Variants in ZFPM1 observed in about 807,000 individuals in gnomAD.
ZFPM1 encodes the protein zinc finger protein, FOG family member 1, also known as zinc finger protein ZFPM1.
In ZFPM1, 28 loss-of-function variants were observed where a neutral mutation model predicts 46.3. The observed-to-expected ratio is 0.60, with a 90% CI of 0.45 to 0.83. ZFPM1 has a LOEUF of 0.83. ZFPM1 is among the 40% of genes least tolerant of loss of function. The pLI is 0.00. For missense variants in ZFPM1, 1,878 were observed against 1,432.4 expected, an observed-to-expected ratio of 1.31 and a Z score of -5.02; for synonymous variants, 957 against 675.9, an observed-to-expected ratio of 1.42 and a Z score of -6.45.
intron 1 of ZFPM1, among the ~76,000 whole-genome samples, chr16:88,457,043 C>A (rs1359478428): frequency 6.6e-6 from 1 of 152,230 alleles, no homozygotes; most frequent in East Asian, 1.9e-4. Flanking sequence ...TTATTGGTAA[C>A]CACAGGATGA....
Position 88,536,943 on chromosome 16 carries a change from G to A in ZFPM1, c.*1964G>A, listed in dbSNP as rs990301911. 1 of 152,218 alleles carries A rather than the reference G, an allele frequency of 6.6e-6. No individual in the cohort carries two copies. Among genetic ancestry groups the A allele is most frequent in the African/African-American group, 2.4e-5 (1 of 41,446 alleles). 9.4% of individuals were successfully genotyped at this position (152,218 alleles called of 1,614,324 possible). On this transcript the variant is annotated 3_prime_UTR_variant, in exon 10 of 10. Transcript: ENST00000319555. Reference sequence around the variant, plus strand: ...CCCCAGGTGCGGGCGCAGGGTACAAGATGTTCTAAAAAATAGAAACCTGGT... The same window carrying A: ...CCCCAGGTGCGGGCGCAGGGTACAAAATGTTCTAAAAAATAGAAACCTGGT...
At position 88,514,474 on chromosome 16, in the gene ZFPM1, A is replaced by G. The variant is rs1218941914; in HGVS notation, c.356A>G (p.His119Arg). 1 of 1,564,138 alleles carries G rather than the reference A, an allele frequency of 6.4e-7. No homozygotes were observed. The highest frequency in any genetic ancestry group is 8.7e-7 in the Non-Finnish European group (1 of 1,154,782). ...LATGLSWGPF[H>R]GSVQTRASSP... ...ACGGGCCTGTCCTGGGGCCCGTTCC[A>G]TGGGAGTGTCCAGACCAGAGCCTCA... Residue 119 changes from histidine to arginine, a missense_variant, in exon 4 of 10, where the codon CAT becomes CGT. By Grantham distance (29) the His-to-Arg change is conservative (BLOSUM62 0). Transcript: ENST00000319555.
intron 1 of ZFPM1, among the ~76,000 whole-genome samples, chr16:88,474,086 C>T (rs1245584637): frequency 6.6e-6 from 1 of 152,232 alleles, no homozygotes; most frequent in Non-Finnish European, 1.5e-5. Context: ...AAGCGCAGGC[C>T]GCACCGATAG....
At chr16:88,506,454 A>T (rs1389197056) in intron 3 of ZFPM1, among the ~76,000 whole-genome samples, 1 of 146,110 alleles carries the variant, frequency 6.8e-6, no homozygotes, top group East Asian at 2.2e-4. Flanking sequence ...GCTTAACTGC[A>T]ATGCTGGGCA....
At chr16:88,500,850 G>A (rs1192068154) in intron 3 of ZFPM1, among the ~76,000 whole-genome samples, 3 of 152,262 alleles carry the variant, frequency 2.0e-5, no homozygotes, top group Non-Finnish European at 4.4e-5. Flanking sequence ...GCCACCCTGG[G>A]CTGAGCCAGG....
intron 7 of ZFPM1, 59 bp from the exon 8 acceptor site, chr16:88,532,555 C>T: frequency 1.3e-6 from 2 of 1,516,336 alleles, no homozygotes; most frequent in Non-Finnish European, 1.8e-6. Flanking sequence ...CCTTCCTCAT[C>T]CCTGGAGTCC....
chr16:88,511,748 C>T (rs75879052), intron 3 of ZFPM1, among the ~76,000 whole-genome samples: 12,415 of 152,256 alleles, frequency 0.082, 731 homozygotes, highest in Non-Finnish European at 0.12. Context: ...TTCAGTTGCA[C>T]AGGTCGAATG....
chr16:88,531,704 C>T (rs897821007), intron 6 of ZFPM1, among the ~76,000 whole-genome samples: 17 of 152,236 alleles, frequency 1.1e-4, no homozygotes, highest in Admixed American at 1.0e-3. Flanking sequence ...CTTCTTCCTT[C>T]TGCCCCCATG....
intron 3 of ZFPM1, among the ~76,000 whole-genome samples, chr16:88,512,261 G>C (rs1032922979): frequency 2.0e-5 from 3 of 152,168 alleles, no homozygotes; most frequent in Non-Finnish European, 4.4e-5. Flanking sequence ...GGACAAGTGA[G>C]AGCCCAGGGC....
chr16:88,505,603 C>T (rs1910605688), intron 3 of ZFPM1, among the ~76,000 whole-genome samples: 1 of 152,168 alleles, frequency 6.6e-6, no homozygotes, highest in Non-Finnish European at 1.5e-5. Flanking sequence ...GGGGTCCTGG[C>T]ACGGTGCCAT....
chr16:88,532,728 G>A lies in ZFPM1; in HGVS notation c.1042+19G>A, dbSNP rs1297339889. On this transcript the variant is annotated intron_variant, in intron 8 of 9. Transcript: ENST00000319555. ...CTGAGCGGTAGGCACCGCAGGGGCC[G>A]GGGGGTGTGTGGGTCCCGCCTCCCC... The A allele has an allele frequency of 4.3e-6, 7 of 1,611,812 alleles. No homozygotes were observed. The highest frequency in any genetic ancestry group is 5.9e-6 in the Non-Finnish European group (7 of 1,179,356).
chr16:88,477,879 A>G (rs1447465247), intron 1 of ZFPM1, among the ~76,000 whole-genome samples: 1 of 152,092 alleles, frequency 6.6e-6, no homozygotes, highest in Non-Finnish European at 1.5e-5. Flanking sequence ...GCAGCTCCCC[A>G]GGCTTGGCCT....
chr16:88,514,362 T>C, intron 3 of ZFPM1, 25 bp from the exon 4 acceptor site: 1 of 1,559,602 alleles, frequency 6.4e-7, no homozygotes, highest in South Asian at 1.2e-5. Context: ...CGGGCACGCC[T>C]CATGCCTGCG....
At chr16:88,508,759 G>A (rs1351247635) in intron 3 of ZFPM1, among the ~76,000 whole-genome samples, 2 of 152,290 alleles carry the variant, frequency 1.3e-5, no homozygotes, top group African/African-American at 2.4e-5. Context: ...CCCTTCTGTC[G>A]CCTCTCTCTG....
rs372183757 is a variant in ZFPM1 at position 88,486,033 on chromosome 16, T to A, written c.135T>A (p.Pro45=). 6.2e-7 allele frequency: 1 copy of A among 1,611,774 alleles called. No individual in the cohort carries two copies. Among genetic ancestry groups the A allele is most frequent in the Non-Finnish European group, 8.5e-7 (1 of 1,179,624 alleles). The change falls in exon 2 of 10, where the codon CCT becomes CCA. Residue 45 remains proline (P), a synonymous_variant. Coordinates refer to ENST00000319555, the MANE Select transcript of ZFPM1 (RefSeq NM_153813.3). Reference sequence around the variant, plus strand: ...CCACGGCACCTGAAGCCCCGAGCCCTCCCAGCGCAGGTGAGTCAGACTGAG... The same window carrying A: ...CCACGGCACCTGAAGCCCCGAGCCCACCCAGCGCAGGTGAGTCAGACTGAG... The part of the protein sequence containing the change: ...QKATAPEAPS[P]PSADVNSPPP...
intron 3 of ZFPM1, among the ~76,000 whole-genome samples, chr16:88,496,124 C>T (rs1909918188): frequency 6.6e-6 from 1 of 152,174 alleles, no homozygotes. Context: ...GGGCACCTGG[C>T]AGTGGCATCC....
At chr16:88,490,994 GTCAGACAGGCGCTGGTGCCTTCGGGGCTC>G (rs1414722802) in intron 3 of ZFPM1, among the ~76,000 whole-genome samples, 3 of 149,714 alleles carry the variant, frequency 2.0e-5, no homozygotes, top group African/African-American at 7.5e-5. Flanking sequence ...CCTGTCGGGG[GTCAGACAGGCGCTGGTGCCTTCGGGGCTC>G]TCGGTCAGGC....
chr16:88,534,919 C>T lies in ZFPM1; in HGVS notation c.2961C>T (p.Ser987=), dbSNP rs768656101. ...RLCNIKFSSL[S]TFIAHKKYYC... Reference sequence around the variant, plus strand: ...GCAACATCAAGTTCAGCAGCCTGTCCACCTTCATCGCCCACAAGAAGTATT... The same window carrying T: ...GCAACATCAAGTTCAGCAGCCTGTCTACCTTCATCGCCCACAAGAAGTATT... The change falls in exon 10 of 10, where the codon TCC becomes TCT. Residue 987 remains serine, a synonymous_variant. Transcript: ENST00000319555. 39 of 1,553,278 alleles carry T rather than the reference C, an allele frequency of 2.5e-5. No homozygotes were observed. The East Asian group carries it at 4.1e-4, about 16-fold the overall frequency.
At position 88,480,509 on chromosome 16, in the gene ZFPM1, C is replaced by G. The variant is rs1019376519; in HGVS notation, c.41-5430C>G. ...GTGGTCACCCGCCCCACCAGCTGCT[C>G]ACATGGGGCCTGGGCAGGCACCTGC... On this transcript the variant is annotated intron_variant, in intron 1 of 9. Transcript: ENST00000319555. The surrounding 1 kb of genome is among the most constrained non-coding windows in gnomAD (Gnocchi z 4.9). Among the ~76,000 whole-genome samples, 2 of 152,202 alleles carry G rather than the reference C, an allele frequency of 1.3e-5. No homozygotes were observed. Among genetic ancestry groups the G allele is most frequent in the Non-Finnish European group, 2.9e-5 (2 of 68,028 alleles).
Sources: allele counts gnomAD v4.1 joint callset (sites outside exome capture counted in the v4.1 genomes callset), GRCh38; gene constraint gnomAD v4.1.1; non-coding constraint Gnocchi (gnomAD v3.1); transcripts MANE v1.5; gene names NCBI Gene and HGNC (gene_info 2026-07-23, HGNC 2026-07-21).